SFMBT2: variants seen among roughly 807,000 people sequenced by gnomAD.
The protein encoded by SFMBT2 is scm-like with four MBT domains protein 2.
In SFMBT2, 38 loss-of-function variants were observed where a neutral mutation model predicts 110.1. The ratio of observed to expected loss-of-function variants is 0.35; its 90% confidence interval spans 0.27 to 0.45. The LOEUF is 0.45. Among genes scored for constraint, SFMBT2 ranks in the 20% least tolerant of loss-of-function variants. SFMBT2 has a pLI of 1.00. For synonymous variants in SFMBT2, 425 were observed against 425.4 expected (o/e 1.00, Z 0.01); for missense variants, 1,011 against 1,094.9 (o/e 0.92, Z 1.08).
intron 14 of SFMBT2, chr10:7,198,222 A>G: frequency 2.4e-6 from 2 of 848,038 alleles, no homozygotes; most frequent in Non-Finnish European, 2.8e-6. Flanking sequence ...AAGTTGGTAA[A>G]TGCGGATCTA....
chr10:7,315,111 A>AGG (rs1564435687), intron 4 of SFMBT2, among the ~76,000 whole-genome samples: 9 of 130,424 alleles, frequency 6.9e-5, no homozygotes, highest in African/African-American at 2.5e-4. Flanking sequence ...AAAGAAAGAA[A>AGG]AAGCAAGCAA....
At chr10:7,298,666 C>A (rs764887562) in intron 4 of SFMBT2, among the ~76,000 whole-genome samples, 1 of 151,854 alleles carries the variant, frequency 6.6e-6, no homozygotes, top group Non-Finnish European at 1.5e-5. Context: ...TATGTATGTG[C>A]GTATGTGCAT....
At chr10:7,409,927 T>C (rs984707210) in intron 1 of SFMBT2, among the ~76,000 whole-genome samples, 19 of 151,428 alleles carry the variant, frequency 1.3e-4, no homozygotes, top group African/African-American at 4.6e-4. Context: ...AATCAGCCAC[T>C]TCCCACCCTC....
intron 2 of SFMBT2, among the ~76,000 whole-genome samples, chr10:7,379,764 A>G (rs1399234367): frequency 6.6e-6 from 1 of 152,234 alleles, no homozygotes; most frequent in African/African-American, 2.4e-5. Flanking sequence ...TGCAAGAGCA[A>G]GGAACCAATC....
chr10:7,202,368 G>T (rs1267827037), intron 13 of SFMBT2, 112 bp downstream of exon 13: 13 of 1,309,106 alleles, frequency 9.9e-6, no homozygotes, highest in Non-Finnish European at 1.4e-5. Flanking sequence ...ACCTCTACTA[G>T]GGTGCTATTT....
intron 4 of SFMBT2, among the ~76,000 whole-genome samples, chr10:7,308,330 C>T (rs553253712): frequency 2.0e-5 from 3 of 152,004 alleles, no homozygotes; most frequent in African/African-American, 4.8e-5. Context: ...ACTGCACTCT[C>T]CAGAGCGATG....
chr10:7,243,679 C>G lies in SFMBT2; in HGVS notation c.999G>C (p.Val333=). Reference sequence around the variant, plus strand: ...GTTCAGGTCTTAGGTCATCAATAGTCACTTGAAAAAAGTGATTGTTAAAAA... The same window carrying G: ...GTTCAGGTCTTAGGTCATCAATAGTGACTTGAAAAAAGTGATTGTTAAAAA... ...TKVFNNHFFQ[V]TIDDLRPEPS... is the part of the protein sequence containing the mutation. Residue 333 remains valine, a synonymous_variant, in exon 9 of 21, where the codon GTG becomes GTC. Transcript: ENST00000397167. 1.1e-6 allele frequency: 1 copy of G among 871,652 alleles called. No individual in the cohort carries two copies. The highest frequency in any genetic ancestry group is 2.4e-5 in the East Asian group (1 of 41,694). The allele number at this position is 871,652 out of a possible 1,614,324, so 54.0% of individuals were successfully genotyped here.
chr10:7,222,265 A>G (rs2762583), intron 10 of SFMBT2, among the ~76,000 whole-genome samples: 118,573 of 152,218 alleles, frequency 0.78, 46,488 homozygotes, highest in East Asian at 0.93. Context: ...CATTTGAGTC[A>G]TTTTCAGTGA....
chr10:7,408,707 C>A lies in SFMBT2; in HGVS notation c.-52+2154G>T, dbSNP rs1297756809. On this transcript the variant is annotated intron_variant, in intron 1 of 20. Coordinates refer to ENST00000397167, the MANE Select transcript of SFMBT2 (RefSeq NM_001387889.1). The surrounding 1 kb of genome is among the most constrained non-coding windows in gnomAD (Gnocchi z 5.7). ...GGGAACCCTGTTCCCGGCTAAGCTG[C>A]GTTCCCGCATTCCGGTGGCTCTCAC... 6.6e-6 allele frequency: 1 copy of A among 152,344 alleles called. No homozygotes were observed. The highest frequency in any genetic ancestry group is 1.5e-5 in the Non-Finnish European group (1 of 68,116). The allele number at this position is 152,344 out of a possible 1,614,324, so 9.4% of individuals were successfully genotyped here. A position where few individuals can be genotyped will look rare whatever the true frequency, so the allele number is the denominator to read the frequency against.
Position 7,287,495 on chromosome 10 carries a change from T to G in SFMBT2, c.437-1541A>C, listed in dbSNP as rs1213841196. 35 of 233,346 alleles carry G rather than the reference T, an allele frequency of 1.5e-4. 1 individual carries two copies. The Admixed American group carries it at 2.3e-3, about 15-fold the overall frequency. The allele number at this position is 233,346 out of a possible 1,614,324, so 14.5% of individuals were successfully genotyped here. On this transcript the variant is annotated intron_variant, in intron 4 of 20. Coordinates refer to ENST00000397167, the MANE Select transcript of SFMBT2 (RefSeq NM_001387889.1). The stretch of plus-strand genomic sequence containing the variant: ...GGCATGTCTCCCAAGCTACAGATCT[T>G]CAAAGGCCCCACTGGGCTACACCTG...
At chr10:7,312,177 G>A (rs760562776) in intron 4 of SFMBT2, among the ~76,000 whole-genome samples, 2 of 152,060 alleles carry the variant, frequency 1.3e-5, no homozygotes, top group Non-Finnish European at 2.9e-5. Flanking sequence ...GTATACATAT[G>A]TAACAAACCT....
At chr10:7,327,224 T>C (rs935269982) in intron 4 of SFMBT2, among the ~76,000 whole-genome samples, 2 of 152,080 alleles carry the variant, frequency 1.3e-5, no homozygotes, top group Non-Finnish European at 2.9e-5. Flanking sequence ...TTTTTGTTTC[T>C]ATTACACAAT....
rs149707496 is a variant in SFMBT2, at chr10:7,200,865, T to C, written c.1488-381A>G. On this transcript the variant is annotated intron_variant, in intron 13 of 20. Coordinates refer to ENST00000397167, the MANE Select transcript of SFMBT2 (RefSeq NM_001387889.1). Reference sequence around the variant, plus strand: ...TTAAAGTCAGACTTTTCCACTTCGATGTCTAATTGAAAACCACTTTCCACT... The same window carrying C: ...TTAAAGTCAGACTTTTCCACTTCGACGTCTAATTGAAAACCACTTTCCACT... 550 of 213,956 alleles carry C rather than the reference T, an allele frequency of 2.6e-3. 7 individuals are homozygous for C. Among genetic ancestry groups the C allele is most frequent in the African/African-American group, 0.012 (522 of 42,772 alleles). 13.3% of individuals were successfully genotyped at this position (213,956 alleles called of 1,614,324 possible).
chr10:7,237,157 C>G (rs1840282880), intron 9 of SFMBT2, among the ~76,000 whole-genome samples: 2 of 152,352 alleles, frequency 1.3e-5, no homozygotes, highest in Admixed American at 1.3e-4. Context: ...TTGGTACTAT[C>G]TACAGAATTC....
chr10:7,375,289 A>G (rs993828201), intron 2 of SFMBT2, among the ~76,000 whole-genome samples: 3 of 152,208 alleles, frequency 2.0e-5, no homozygotes, highest in African/African-American at 7.2e-5. Flanking sequence ...CAAACGGCCC[A>G]TACATCTTTG....
At chr10:7,404,137 A>G (rs1380292487) in intron 1 of SFMBT2, among the ~76,000 whole-genome samples, 1 of 152,234 alleles carries the variant, frequency 6.6e-6, no homozygotes, top group African/African-American at 2.4e-5. Context: ...TTTAAAATAA[A>G]GAGTATTTGG....
intron 3 of SFMBT2, chr10:7,368,183 T>G (rs1844963485): frequency 2.9e-6 from 1 of 350,780 alleles, no homozygotes. Flanking sequence ...TAAAAAACAT[T>G]AATGAAACAA....
chr10:7,371,385 CCAAAGTGCTAGGATTACA>C (rs1845062047), intron 2 of SFMBT2, among the ~76,000 whole-genome samples: 1 of 152,156 alleles, frequency 6.6e-6, no homozygotes, highest in Non-Finnish European at 1.5e-5. Flanking sequence ...CCTCAGCCTC[CCAAAGTGCTAGGATTACA>C]GACATGAGCC....
chr10:7,188,982 G>A (rs1480376323), intron 15 of SFMBT2: 1 of 246,452 alleles, frequency 4.1e-6, no homozygotes, highest in African/African-American at 2.3e-5. Flanking sequence ...ACTCTCTAGA[G>A]GGGGTGGCAG....
Sources: gnomAD v4.1 joint callset for allele counts (sites outside exome capture counted in the v4.1 genomes callset) on GRCh38, gnomAD v4.1.1 for gene constraint, Gnocchi (gnomAD v3.1) non-coding constraint, MANE v1.5 for transcripts, NCBI Gene and HGNC (gene_info 2026-07-23, HGNC 2026-07-21) for gene names.